The following KIF15 variants were observed in gnomAD, a reference collection of about 807,000 sequenced individuals.
KIF15 encodes kinesin-like protein KIF15.
A neutral mutation model predicts 190.6 loss-of-function variants in KIF15; 140 were observed. The observed-to-expected ratio is 0.73, with a 90% CI of 0.64 to 0.84. KIF15 has a LOEUF of 0.84. Among genes scored for constraint, KIF15 ranks in the 40% least tolerant of loss-of-function variants. KIF15 has a pLI of 0.00. For missense variants in KIF15, 1,372 were observed against 1,584.4 expected, an observed-to-expected ratio of 0.87 and a Z score of 2.28; for synonymous variants, 528 against 551.3, an observed-to-expected ratio of 0.96 and a Z score of 0.59.
intron 20 of KIF15, among the ~76,000 whole-genome samples, chr3:44,815,977 TGAAA>T (rs904466830): frequency 2.0e-5 from 3 of 152,166 alleles, no homozygotes; most frequent in Non-Finnish European, 4.4e-5. Flanking sequence ...AACCAGAAAT[TGAAA>T]GAGAGGAAGA....
Position 44,826,189 on chromosome 3 carries a change from T to C in KIF15, c.2700T>C (p.Asn900=), listed in dbSNP as rs1357152748. The change falls in exon 21 of 35, where the codon AAT becomes AAC. Residue 900 remains asparagine, a splice_region_variant and synonymous_variant. Transcript: ENST00000326047. ...ATGAAACTCTGAAATCTGATCTGAA[T>C]GTATGTTAAGAAGGGTGAATTTGTC... ...KENETLKSDL[N]NLMELLEAEK... is the part of the protein sequence containing the mutation. 4 of 1,573,752 alleles carry C rather than the reference T, an allele frequency of 2.5e-6. No homozygotes were observed. Among genetic ancestry groups the C allele is most frequent in the Middle Eastern group, 1.7e-4 (1 of 5,854 alleles).
chr3:44,793,609 A>C (rs1032583181), intron 7 of KIF15, among the ~76,000 whole-genome samples: 1 of 152,148 alleles, frequency 6.6e-6, no homozygotes, highest in Non-Finnish European at 1.5e-5. Context: ...ACCCTTTACA[A>C]ATTTCCTACT....
At chr3:44,774,092 G>A (rs967241280) in intron 1 of KIF15, among the ~76,000 whole-genome samples, 3 of 152,152 alleles carry the variant, frequency 2.0e-5, no homozygotes, top group African/African-American at 7.2e-5. Flanking sequence ...TTCCCTTACT[G>A]TGCATGTGTT....
chr3:44,779,520 T>C (rs148354348), intron 4 of KIF15, among the ~76,000 whole-genome samples: 11 of 152,008 alleles, frequency 7.2e-5, no homozygotes, highest in African/African-American at 2.4e-4. Flanking sequence ...AAGTGCCTGT[T>C]TGGACAATAA....
intron 7 of KIF15, among the ~76,000 whole-genome samples, chr3:44,790,695 CTTTTTT>C (rs56414094): frequency 1.0e-5 from 1 of 97,970 alleles, no homozygotes; most frequent in Non-Finnish European, 1.9e-5. Context: ...TTTTCTGTTT[CTTTTTT>C]TTTTTTTTTT....
intron 1 of KIF15, among the ~76,000 whole-genome samples, chr3:44,764,328 T>C (rs558431981): frequency 2.6e-5 from 4 of 152,328 alleles, no homozygotes; most frequent in African/African-American, 9.6e-5. Flanking sequence ...TTTGCTTCTA[T>C]TCTTGAACTT....
intron 18 of KIF15, among the ~76,000 whole-genome samples, 195 bp downstream of exon 18, chr3:44,812,484 A>G (rs141945915): frequency 7.2e-5 from 11 of 152,342 alleles, no homozygotes; most frequent in African/African-American, 2.6e-4. Context: ...GTTACTTAGC[A>G]TGCTGCTCTG....
chr3:44,848,237 G>A (rs1486326856), intron 31 of KIF15, among the ~76,000 whole-genome samples, 180 bp downstream of exon 31: 1 of 152,176 alleles, frequency 6.6e-6, no homozygotes, highest in African/African-American at 2.4e-5. Context: ...TTAAGAATTT[G>A]TCTTCATGCC....
chr3:44,796,903 A>G (rs1433938713), intron 8 of KIF15, among the ~76,000 whole-genome samples: 1 of 152,182 alleles, frequency 6.6e-6, no homozygotes, highest in Non-Finnish European at 1.5e-5. Context: ...AAAAGTACCT[A>G]TTAATGCACT....
chr3:44,837,786 A>G (rs1442436147), intron 26 of KIF15, among the ~76,000 whole-genome samples: 2 of 152,206 alleles, frequency 1.3e-5, no homozygotes, highest in Non-Finnish European at 1.5e-5. Context: ...AGTTTCCACA[A>G]AGCTACTTCC....
chr3:44,808,296 A>G (rs1251468624), intron 16 of KIF15, among the ~76,000 whole-genome samples: 1 of 152,174 alleles, frequency 6.6e-6, no homozygotes, highest in African/African-American at 2.4e-5. Context: ...TGACTGAGCA[A>G]ACAGGACTCA....
intron 6 of KIF15, among the ~76,000 whole-genome samples, chr3:44,861,369 T>A (rs532792551): frequency 6.6e-6 from 1 of 152,382 alleles, no homozygotes; most frequent in South Asian, 2.1e-4. Context: ...TATGGATCAT[T>A]GTCTTCCTCT....
At position 44,850,679 on chromosome 3, in the gene KIF15, C is replaced by T. The variant is rs74596880; in HGVS notation, c.3807-1108C>T. ...TAATGGGGAACCAATACAAAGCCAA[C>T]AATGAATTGGGAGAGCATCAGTGCC... On this transcript the variant is annotated intron_variant, in intron 32 of 34. Coordinates refer to ENST00000326047, the MANE Select transcript of KIF15 (RefSeq NM_020242.3). Among the ~76,000 whole-genome samples the T allele has an allele frequency of 1.1e-4, 16 of 152,300 alleles. No homozygotes were observed. In the East Asian group the frequency reaches 3.1e-3, roughly 29 times the overall value.
rs1362086630 is a variant in KIF15, at chr3:44,801,904, GT to G, written c.1443del (p.Leu482CysfsTer12). Reference sequence around the variant, plus strand: ...AAGCTCCACAAGGAATCCCGGGGAGGTTTTCTGCCTGAGGAGCAGGATCGTT... The same window carrying G: ...AAGCTCCACAAGGAATCCCGGGGAGGTTTCTGCCTGAGGAGCAGGATCGTT... ...LEKLHKESRGGFLPEEQDRLL... is the reference protein window; with the variant it reads ...LEKLHKESRGXFLPEEQDRLL... On this transcript the variant is annotated frameshift_variant, in exon 13 of 35. Transcript: ENST00000326047. LOFTEE classifies it high-confidence loss of function. 5.0e-6 allele frequency: 8 copies of G among 1,613,840 alleles called. No individual in the cohort carries two copies. The highest frequency in any genetic ancestry group is 6.8e-6 in the Non-Finnish European group (8 of 1,179,926).
intron 5 of KIF15, 145 bp from the exon 6 acceptor site, chr3:44,784,700 C>G: frequency 1.7e-6 from 1 of 589,896 alleles, no homozygotes; most frequent in Non-Finnish European, 3.0e-6. Context: ...ATTTCAATTT[C>G]TCTCACAGAC....
Position 44,812,270 on chromosome 3 carries a change from A to T in KIF15, c.2258A>T (p.His753Leu). Residue 753 changes from histidine (H) to leucine (L), a missense_variant, in exon 18 of 35, where the codon CAT (histidine) becomes CTT (leucine). Physicochemically the swap from His to Leu is moderately conservative, Grantham distance 99. Coordinates refer to ENST00000326047, the MANE Select transcript of KIF15 (RefSeq NM_020242.3). ...LQQHVDKLEH[H>L]STQMQELFSS... is the part of the protein sequence containing the mutation. ...CAGCATGTTGACAAACTGGAACATC[A>T]TTCTACCCAAATGCAGGAGGTGAGA... 4 of 1,613,848 alleles carry T rather than the reference A, an allele frequency of 2.5e-6. No individual in the cohort carries two copies. The highest frequency in any genetic ancestry group is 3.4e-6 in the Non-Finnish European group (4 of 1,179,744).
intron 7 of KIF15, among the ~76,000 whole-genome samples, chr3:44,787,323 A>T (rs182271671): frequency 6.6e-6 from 1 of 152,172 alleles, no homozygotes; most frequent in Non-Finnish European, 1.5e-5. Context: ...CCACTTTTAA[A>T]TCACATATGT....
At position 44,851,813 on chromosome 3, in the gene KIF15, A is replaced by G; in HGVS notation, c.3833A>G (p.Tyr1278Cys). Residue 1278 changes from tyrosine (Y) to cysteine (C), a missense_variant, in exon 33 of 35, where the codon TAC (tyrosine) becomes TGC (cysteine). By Grantham distance (194) the Tyr-to-Cys change is radical. Coordinates refer to ENST00000326047, the MANE Select transcript of KIF15 (RefSeq NM_020242.3). ...ADLEEVQSAL[Y>C]NKEMECLRMT... ...CTAGAAGAAGTCCAAAGTGCCCTTT[A>G]CAACAAAGAGATGGAATGCCTTAGA... The G allele has an allele frequency of 6.2e-7, 1 of 1,613,820 alleles. No individual in the cohort carries two copies. The highest frequency in any genetic ancestry group is 8.5e-7 in the Non-Finnish European group (1 of 1,179,808).
intron 3 of KIF15, 134 bp downstream of exon 3, chr3:44,775,571 T>G (rs1705843283): frequency 1.7e-6 from 1 of 604,892 alleles, no homozygotes; most frequent in African/African-American, 1.8e-5. Flanking sequence ...TTCTCCTGCC[T>G]CAGCCTCCCG....
Sources: allele counts gnomAD v4.1 joint callset (sites outside exome capture counted in the v4.1 genomes callset), GRCh38; gene constraint gnomAD v4.1.1; transcripts MANE v1.5; gene names NCBI Gene and HGNC (gene_info 2026-07-23, HGNC 2026-07-21).